The following EYS variants were observed in gnomAD, a reference collection of about 807,000 sequenced individuals.
EYS encodes the protein protein eyes shut homolog.
A neutral mutation model predicts 282.1 loss-of-function variants in EYS; 250 were observed. The ratio of observed to expected loss-of-function variants is 0.89; its 90% CI spans 0.80 to 0.98. The LOEUF (loss-of-function observed/expected upper bound fraction) is 0.98. EYS is among the 50% of genes least tolerant of loss of function. The pLI is 0.00. For missense variants in EYS, 4,016 were observed against 3,709.0 expected, an observed-to-expected ratio of 1.08 and a Z score of -2.15; for synonymous variants, 1,355 against 1,282.9, an observed-to-expected ratio of 1.06 and a Z score of -1.20.
At chr6:65,266,364 T>A (rs893967706) in intron 12 of EYS, among the ~76,000 whole-genome samples, 1 of 151,880 alleles carries the variant, frequency 6.6e-6, no homozygotes, top group Non-Finnish European at 1.5e-5. Flanking sequence ...GACTCTTACA[T>A]ATAAGACTAT....
At chr6:65,636,219 G>A (rs567126956) in intron 2 of EYS, among the ~76,000 whole-genome samples, 5 of 152,306 alleles carry the variant, frequency 3.3e-5, no homozygotes, top group South Asian at 2.1e-4. Context: ...ATGATTTGCT[G>A]TCTTTCTTAA....
At chr6:64,552,788 G>A (rs994969045) in intron 26 of EYS, among the ~76,000 whole-genome samples, 9 of 150,156 alleles carry the variant, frequency 6.0e-5, no homozygotes, top group Admixed American at 1.3e-4. Flanking sequence ...GCATGGTGGC[G>A]CATGCCTGTA....
At chr6:64,893,284 T>A in intron 18 of EYS, among the ~76,000 whole-genome samples, 1 of 152,092 alleles carries the variant, frequency 6.6e-6, no homozygotes, top group Non-Finnish European at 1.5e-5. Flanking sequence ...CTTTAAATCA[T>A]GTTACTAGAG....
intron 30 of EYS, among the ~76,000 whole-genome samples, chr6:64,271,488 T>A (rs539047923): frequency 2.6e-5 from 4 of 152,288 alleles, no homozygotes; most frequent in Admixed American, 2.0e-4. Context: ...TTACTGATTT[T>A]AAAAATTTAT....
chr6:65,266,179 A>G (rs1318880843), intron 12 of EYS, among the ~76,000 whole-genome samples: 2 of 151,956 alleles, frequency 1.3e-5, no homozygotes, highest in African/African-American at 4.8e-5. Flanking sequence ...ATAACTGTTC[A>G]ATCAACTTAA....
intron 5 of EYS, among the ~76,000 whole-genome samples, chr6:65,443,681 C>A (rs1278099794): frequency 6.7e-6 from 1 of 150,190 alleles, no homozygotes; most frequent in East Asian, 2.0e-4. Context: ...ATCATATACA[C>A]ACATACACAT....
chr6:65,506,681 G>T (rs1158667326), intron 2 of EYS, among the ~76,000 whole-genome samples: 6 of 149,362 alleles, frequency 4.0e-5, no homozygotes, highest in South Asian at 2.1e-4. Context: ...TTGCTATGTT[G>T]CCCAGGTCTT....
chr6:64,005,985 G>GT (rs1290748756), intron 33 of EYS, among the ~76,000 whole-genome samples: 1 of 152,112 alleles, frequency 6.6e-6, no homozygotes, highest in Non-Finnish European at 1.5e-5. Flanking sequence ...TTTTAAAATA[G>GT]TTTTTTCTAA....
rs75532003 is a variant in EYS at position 64,057,378 on chromosome 6, GT to G, written c.6725+8959del. 7.1e-3 allele frequency among the ~76,000 whole-genome samples: 818 copies of G among 114,548 alleles called. 2 individuals are homozygous for G. The highest frequency in any genetic ancestry group is 0.017 in the African/African-American group (393 of 23,334). 75.1% of individuals were successfully genotyped at this position (114,548 alleles called of 152,430 possible). ...CCTTTAGCTTCATTTATAAAGTAAGGTTTTTTTTTTTTTTTTAAAAATAGAA... is the reference window on the plus strand; with the variant it reads ...CCTTTAGCTTCATTTATAAAGTAAGGTTTTTTTTTTTTTTTAAAAATAGAA... On this transcript the variant is annotated intron_variant, in intron 33 of 42. Transcript: ENST00000503581.
rs538302681 is a variant in EYS at position 64,820,186 on chromosome 6, A to G, written c.3243+1459T>C. On this transcript the variant is annotated intron_variant, in intron 21 of 42. Coordinates refer to ENST00000503581, the MANE Select transcript of EYS (RefSeq NM_001142800.2). ...GCATTTTAATGGAATGATTCCTAAG[A>G]TATACTTCTAAGACAAAAAAGTCAC... is the stretch of plus-strand genomic sequence containing the variant. 6.6e-5 allele frequency among the ~76,000 whole-genome samples: 10 copies of G among 152,130 alleles called. No homozygotes were observed. In the East Asian group the frequency reaches 1.2e-3, roughly 18 times the overall value.
At chr6:65,449,026 C>T (rs1331594013) in intron 5 of EYS, among the ~76,000 whole-genome samples, 1 of 152,036 alleles carries the variant, frequency 6.6e-6, no homozygotes, top group Non-Finnish European at 1.5e-5. Context: ...AAACTAACAC[C>T]CACATCCATA....
chr6:63,788,082 T>C (rs1299200875), intron 39 of EYS, 23 bp downstream of exon 39: 1 of 1,498,892 alleles, frequency 6.7e-7, no homozygotes, highest in Non-Finnish European at 8.9e-7. Flanking sequence ...GTAGGTATAA[T>C]ATAAAAAATG....
At chr6:63,868,175 G>T (rs1288981965) in intron 35 of EYS, among the ~76,000 whole-genome samples, 1 of 152,022 alleles carries the variant, frequency 6.6e-6, no homozygotes, top group African/African-American at 2.4e-5. Context: ...TCATTTTAAA[G>T]CTTAGTTAAA....
chr6:64,850,199 A>G (rs1765839340), intron 19 of EYS, among the ~76,000 whole-genome samples: 1 of 152,120 alleles, frequency 6.6e-6, no homozygotes, highest in African/African-American at 2.4e-5. Flanking sequence ...ACCCTCATGG[A>G]TGCATATTTT....
chr6:65,454,024 T>A (rs1289261741), intron 5 of EYS, among the ~76,000 whole-genome samples: 1 of 151,784 alleles, frequency 6.6e-6, no homozygotes, highest in Non-Finnish European at 1.5e-5. Flanking sequence ...ACTGATGTCA[T>A]TTTCTTTGGA....
chr6:65,015,493 G>A (rs1026263394), intron 13 of EYS, among the ~76,000 whole-genome samples: 1 of 152,074 alleles, frequency 6.6e-6, no homozygotes, highest in African/African-American at 2.4e-5. Context: ...AATAAAGTAT[G>A]GTTGGTCTCC....
At chr6:64,382,446 T>C (rs1395570874) in intron 29 of EYS, among the ~76,000 whole-genome samples, 2 of 152,198 alleles carry the variant, frequency 1.3e-5, no homozygotes, top group African/African-American at 4.8e-5. Flanking sequence ...ATCTTCCCCA[T>C]CTTAATGATG....
intron 2 of EYS, among the ~76,000 whole-genome samples, chr6:65,535,265 GT>G (rs1582426211): frequency 1.3e-5 from 2 of 152,124 alleles, no homozygotes; most frequent in African/African-American, 4.8e-5. Flanking sequence ...GTTTGGCTGT[GT>G]CCCCACTCAA....
chr6:63,740,965 GA>G (rs1434020592), intron 41 of EYS, among the ~76,000 whole-genome samples: 1 of 152,172 alleles, frequency 6.6e-6, no homozygotes. Flanking sequence ...GGTTTTCAGT[GA>G]CTCATACCAA....
Sources: allele counts gnomAD v4.1 joint callset (sites outside exome capture counted in the v4.1 genomes callset), GRCh38; gene constraint gnomAD v4.1.1; transcripts MANE v1.5; gene names NCBI Gene and HGNC (gene_info 2026-07-23, HGNC 2026-07-21).